Variants in CECR2 observed in about 807,000 individuals in gnomAD.
CECR2 encodes chromatin remodeling regulator CECR2.
In CECR2, 30 loss-of-function variants were observed where a neutral mutation model predicts 154.5. The observed-to-expected ratio is 0.19, with a 90% CI of 0.15 to 0.26. CECR2 has a LOEUF of 0.26. CECR2 is among the 10% of genes least tolerant of loss of function. CECR2 has a pLI of 1.00. For missense variants in CECR2, 1,743 were observed against 1,829.3 expected, an observed-to-expected ratio of 0.95 and a Z score of 0.86; for synonymous variants, 725 against 683.7, an observed-to-expected ratio of 1.06 and a Z score of -0.94.
At chr22:17,393,888 ATTTT>A (rs71200270) in intron 1 of CECR2, among the ~76,000 whole-genome samples, 3 of 134,040 alleles carry the variant, frequency 2.2e-5, no homozygotes, top group African/African-American at 8.4e-5. Flanking sequence ...TTTTTTATTC[ATTTT>A]TTTTTTTTTT....
Position 17,524,287 on chromosome 22 carries a change from G to T in CECR2, c.1108+16G>T, listed in dbSNP as rs73389185. ...GCAGTGGAAGGTATGTGCAGTGTCC[G>T]CGTGGTCTGGAGAGGTGCATGTCTG... On this transcript the variant is annotated intron_variant, in intron 9 of 18. Coordinates refer to ENST00000262608, the MANE Select transcript of CECR2 (RefSeq NM_001290047.2). 5.0e-6 allele frequency: 8 copies of T among 1,603,456 alleles called. No individual in the cohort carries two copies. The highest frequency in any genetic ancestry group is 5.1e-6 in the Non-Finnish European group (6 of 1,175,710).
Position 17,391,578 on chromosome 22 carries a change from T to G in CECR2, c.126+21669T>G, listed in dbSNP as rs115815769. On this transcript the variant is annotated intron_variant, in intron 1 of 18. Coordinates refer to ENST00000262608, the MANE Select transcript of CECR2 (RefSeq NM_001290047.2). ...CGAATGAGCCAAGCATGTGAGGGCC[T>G]GGCCCAAATAGATCTCAGCAACTGG... Among the ~76,000 whole-genome samples the G allele has an allele frequency of 8.1e-3, 1,231 of 152,322 alleles. 8 individuals carry two copies. Among genetic ancestry groups the G allele is most frequent in the African/African-American group, 0.029 (1,193 of 41,576 alleles).
chr22:17,374,100 G>T (rs544843612), intron 1 of CECR2, among the ~76,000 whole-genome samples: 1 of 152,182 alleles, frequency 6.6e-6, no homozygotes, highest in Non-Finnish European at 1.5e-5. Context: ...GTAGGTGGCC[G>T]TTGCAAAATG....
chr22:17,379,785 T>C (rs1316033171), intron 1 of CECR2, among the ~76,000 whole-genome samples: 4 of 152,162 alleles, frequency 2.6e-5, no homozygotes, highest in Admixed American at 6.5e-5. Flanking sequence ...TGGATTCAAA[T>C]AGATTTTTAT....
At chr22:17,490,227 C>A (rs1322215269) in intron 2 of CECR2, among the ~76,000 whole-genome samples, 1 of 151,470 alleles carries the variant, frequency 6.6e-6, no homozygotes, top group Non-Finnish European at 1.5e-5. Context: ...CTATTTCTCC[C>A]ATTAGTTGTG....
rs1186079753 is a variant in CECR2 at position 17,505,015 on chromosome 22, A to T, written c.869A>T (p.Lys290Met). 6.2e-7 allele frequency: 1 copy of T among 1,612,958 alleles called. No homozygotes were observed. Among genetic ancestry groups the T allele is most frequent in the Non-Finnish European group, 8.5e-7 (1 of 1,179,712 alleles). Residue 290 changes from lysine to methionine, a missense_variant and splice_region_variant, in exon 7 of 19, where the codon AAG becomes ATG. By Grantham distance (95) the Lys-to-Met change is moderately conservative. This residue lies in a region of CECR2 where 292 missense variants were observed against 301.2 expected (regional missense o/e 0.97). Transcript: ENST00000262608. ...LPEICNMIAQ[K>M]GKRPQRTKAE... ...GAGATCTGCAACATGATCGCCCAGA[A>T]GGTGCGCCACACTCTCTGCTCTGTC...
intron 1 of CECR2, among the ~76,000 whole-genome samples, chr22:17,447,576 TAATAA>T (rs1404737517): frequency 2.0e-5 from 3 of 149,296 alleles, no homozygotes; most frequent in South Asian, 2.1e-4. Flanking sequence ...AAATAGTAAT[TAATAA>T]AATAAAATCA....
At chr22:17,450,034 C>G (rs1483349258) in intron 1 of CECR2, among the ~76,000 whole-genome samples, 1 of 152,152 alleles carries the variant, frequency 6.6e-6, no homozygotes, top group Non-Finnish European at 1.5e-5. Flanking sequence ...ATGGTATCCC[C>G]AAACGCAGCA....
intron 7 of CECR2, among the ~76,000 whole-genome samples, chr22:17,510,535 TAAA>T (rs2055926083): frequency 1.3e-5 from 2 of 152,214 alleles, no homozygotes; most frequent in Non-Finnish European, 2.9e-5. Flanking sequence ...GACAAGTACT[TAAA>T]GAAGGTCATG....
At chr22:17,515,428 A>C (rs1320861769) in intron 8 of CECR2, among the ~76,000 whole-genome samples, 1 of 152,200 alleles carries the variant, frequency 6.6e-6, no homozygotes, top group Non-Finnish European at 1.5e-5. Context: ...AAAACTGTAA[A>C]AGACCTGGTA....
Position 17,556,851 on chromosome 22 carries a change from C to G in CECR2, c.*4011C>G, listed in dbSNP as rs1359990338. On this transcript the variant is annotated 3_prime_UTR_variant, in exon 19 of 19. Coordinates refer to ENST00000262608, the MANE Select transcript of CECR2 (RefSeq NM_001290047.2). ...ATATATTAGTGAGCCATGTACTGCC[C>G]AATCCGGGGGCTCCTGGGGTGTGGT... 5 of 152,346 alleles carry G rather than the reference C, an allele frequency of 3.3e-5. No individual in the cohort carries two copies. In the East Asian group the frequency reaches 5.8e-4, roughly 18 times the overall value. The allele number at this position is 152,346 out of a possible 1,614,324, so 9.4% of individuals were successfully genotyped here.
intron 2 of CECR2, among the ~76,000 whole-genome samples, chr22:17,480,306 G>T (rs1193222388): frequency 6.6e-6 from 1 of 151,860 alleles, no homozygotes; most frequent in African/African-American, 2.4e-5. Context: ...AGTTTCTGTG[G>T]GTCAGGAACC....
intron 1 of CECR2, among the ~76,000 whole-genome samples, chr22:17,447,022 G>A (rs2054678471): frequency 7.3e-6 from 1 of 136,386 alleles, no homozygotes; most frequent in Non-Finnish European, 1.5e-5. Flanking sequence ...GCTGAGTGGT[G>A]CGTTTACAAT....
At chr22:17,539,282 C>A in intron 13 of CECR2, 163 bp downstream of exon 13, 2 of 730,928 alleles carry the variant, frequency 2.7e-6, no homozygotes, top group Non-Finnish European at 4.3e-6. Flanking sequence ...ACAGTGTCTG[C>A]CAGGGATTCT....
intron 1 of CECR2, among the ~76,000 whole-genome samples, chr22:17,372,521 G>A (rs1242722199): frequency 1.3e-5 from 2 of 152,008 alleles, no homozygotes; most frequent in Non-Finnish European, 2.9e-5. Flanking sequence ...TAAAAAGTTA[G>A]CCAGGCATGG....
chr22:17,541,382 T>C (rs1985405), intron 14 of CECR2, among the ~76,000 whole-genome samples: 9,630 of 152,214 alleles, frequency 0.063, 438 homozygotes, highest in Admixed American at 0.14. Context: ...GAGGCAGAGT[T>C]TGCAGTGAGC....
intron 1 of CECR2, among the ~76,000 whole-genome samples, chr22:17,413,342 C>T (rs899748939): frequency 6.6e-6 from 1 of 152,196 alleles, no homozygotes; most frequent in Non-Finnish European, 1.5e-5. Flanking sequence ...AGCAAATACC[C>T]TGTAAGATCT....
chr22:17,497,888 A>T (rs186638833), intron 3 of CECR2, among the ~76,000 whole-genome samples: 80 of 152,332 alleles, frequency 5.3e-4, no homozygotes, highest in Non-Finnish European at 7.6e-4. Context: ...TTGTTCTGTC[A>T]TCAGCCAAAC....
chr22:17,540,826 C>T (rs750864630), intron 14 of CECR2, 26 bp downstream of exon 14: 14 of 1,506,620 alleles, frequency 9.3e-6, no homozygotes, highest in East Asian at 4.6e-5. Context: ...GAGACTGTTG[C>T]GGTTTCTCCT....
Sources: allele counts gnomAD v4.1 joint callset (sites outside exome capture counted in the v4.1 genomes callset), GRCh38; gene constraint gnomAD v4.1.1; regional missense constraint gnomAD v4.1.1; transcripts MANE v1.5; gene names NCBI Gene and HGNC (gene_info 2026-07-23, HGNC 2026-07-21).